The following HCN1 variants were observed in gnomAD, a reference collection of about 807,000 sequenced individuals.
The protein encoded by HCN1 is hyperpolarization activated cyclic nucleotide gated potassium channel 1, also known as potassium/sodium hyperpolarization-activated cyclic nucleotide-gated channel 1.
In HCN1, 13 loss-of-function variants were observed where a neutral mutation model predicts 78.9. That is an observed-to-expected ratio of 0.16 (90% confidence interval 0.11 to 0.26). The LOEUF is 0.26. HCN1 is among the 10% of genes least tolerant of loss of function. The probability of loss-of-function intolerance (pLI) is 1.00; values close to 1 mark genes in which losing one functional copy is unlikely to be tolerated. For missense variants in HCN1, 810 were observed against 1,154.3 expected, an observed-to-expected ratio of 0.70 and a Z score of 4.32; for synonymous variants, 552 against 455.5, an observed-to-expected ratio of 1.21 and a Z score of -2.70.
chr5:45,643,720 C>A (rs1431264612), intron 2 of HCN1: 2 of 152,006 alleles, frequency 1.3e-5, no homozygotes, highest in African/African-American at 2.4e-5. Flanking sequence ...ATATTTACAT[C>A]TTTGTGTTGT....
At chr5:45,574,170 A>C (rs915694477) in intron 2 of HCN1, among the ~76,000 whole-genome samples, 1 of 152,084 alleles carries the variant, frequency 6.6e-6, no homozygotes, top group Non-Finnish European at 1.5e-5. Context: ...ATTGGGCTTA[A>C]TGATATTGTG....
intron 2 of HCN1, among the ~76,000 whole-genome samples, chr5:45,582,142 C>T (rs937162026): frequency 6.6e-6 from 1 of 152,138 alleles, no homozygotes; most frequent in Non-Finnish European, 1.5e-5. Context: ...ATTGATTCTT[C>T]CTACCCATGA....
chr5:45,493,970 T>G (rs1435099081), intron 2 of HCN1, among the ~76,000 whole-genome samples: 1 of 152,242 alleles, frequency 6.6e-6, no homozygotes, highest in Admixed American at 6.5e-5. Context: ...ATGGTGTATA[T>G]GTTTCACATT....
intron 5 of HCN1, among the ~76,000 whole-genome samples, chr5:45,328,993 T>A (rs1746289802): frequency 6.6e-6 from 1 of 151,682 alleles, no homozygotes. Flanking sequence ...TTAAATGTAT[T>A]GTATGTGAAG....
chr5:45,678,402 T>C (rs543205318), intron 1 of HCN1, among the ~76,000 whole-genome samples: 2 of 152,066 alleles, frequency 1.3e-5, no homozygotes, highest in East Asian at 3.9e-4. Flanking sequence ...GCAATTGTAA[T>C]CCATTATTAT....
At chr5:45,375,858 G>GATATACA in intron 4 of HCN1, among the ~76,000 whole-genome samples, 1 of 109,650 alleles carries the variant, frequency 9.1e-6, no homozygotes, top group African/African-American at 3.7e-5. Context: ...AATATTTTAT[G>GATATACA]ATATATCTTA....
At chr5:45,373,293 A>G (rs1747471660) in intron 4 of HCN1, among the ~76,000 whole-genome samples, 2 of 113,922 alleles carry the variant, frequency 1.8e-5, no homozygotes, top group Non-Finnish European at 3.4e-5. Context: ...TATATATTAT[A>G]TATATTTTAT....
chr5:45,585,432 AT>A (rs1021363685), intron 2 of HCN1, among the ~76,000 whole-genome samples: 1 of 151,700 alleles, frequency 6.6e-6, no homozygotes, highest in African/African-American at 2.4e-5. Flanking sequence ...CATTCGTCTA[AT>A]TTTTTTTCAA....
chr5:45,469,277 T>A (rs774264612), intron 2 of HCN1, among the ~76,000 whole-genome samples: 2 of 152,002 alleles, frequency 1.3e-5, no homozygotes, highest in Non-Finnish European at 2.9e-5. Context: ...TAACCTCATA[T>A]GCTTAATTTA....
chr5:45,660,665 T>C (rs1248097938), intron 1 of HCN1, among the ~76,000 whole-genome samples: 2 of 146,852 alleles, frequency 1.4e-5, no homozygotes, highest in African/African-American at 5.0e-5. Context: ...TAGTCTCTGA[T>C]AAAACAGACT....
intron 6 of HCN1, among the ~76,000 whole-genome samples, chr5:45,272,331 A>T (rs1024916617): frequency 6.6e-6 from 1 of 152,040 alleles, no homozygotes; most frequent in African/African-American, 2.4e-5. Context: ...AGCTCATACT[A>T]TCCTTTAGGT....
chr5:45,294,756 C>A (rs941212447), intron 6 of HCN1, among the ~76,000 whole-genome samples: 2 of 151,910 alleles, frequency 1.3e-5, no homozygotes, highest in African/African-American at 4.8e-5. Context: ...GATTACAAAA[C>A]AGTTTAGTGA....
intron 2 of HCN1, chr5:45,576,196 C>G (rs1743941755): frequency 1.3e-5 from 2 of 152,086 alleles, no homozygotes; most frequent in Admixed American, 6.6e-5. Flanking sequence ...TACATTGCTG[C>G]AATCTCATGA....
chr5:45,561,728 A>G (rs990367783), intron 2 of HCN1, among the ~76,000 whole-genome samples: 3 of 152,110 alleles, frequency 2.0e-5, no homozygotes, highest in African/African-American at 7.2e-5. Flanking sequence ...ATGTGATTAG[A>G]AAATTGGGGC....
chr5:45,548,313 T>G (rs774831391), intron 2 of HCN1, among the ~76,000 whole-genome samples: 1 of 151,942 alleles, frequency 6.6e-6, no homozygotes, highest in South Asian at 2.1e-4. Flanking sequence ...ATATACTTTA[T>G]GTAAATGAGT....
At chr5:45,391,088 A>T (rs533830123) in intron 4 of HCN1, among the ~76,000 whole-genome samples, 180 of 149,494 alleles carry the variant, frequency 1.2e-3, no homozygotes, top group Admixed American at 3.2e-3. Flanking sequence ...CTAATAAAAA[A>T]TTTTTGACTA....
rs1441913731 is a variant in HCN1 at position 45,259,699 on chromosome 5, T to G, written c.*2222A>C. On this transcript the variant is annotated 3_prime_UTR_variant, in exon 8 of 8. Transcript: ENST00000303230. ...AGACCATGCATTTCAATTTTGCTTA[T>G]GTTTCCCAATAGTGCTCAAAATAAA... 3.3e-5 allele frequency: 5 copies of G among 152,404 alleles called. No homozygotes were observed. Among genetic ancestry groups the G allele is most frequent in the Admixed American group, 3.3e-4 (5 of 15,260 alleles). The allele number at this position is 152,404 out of a possible 1,614,324, so 9.4% of individuals were successfully genotyped here.
intron 7 of HCN1, among the ~76,000 whole-genome samples, chr5:45,265,017 C>T (rs1470783397): frequency 1.3e-5 from 2 of 151,928 alleles, no homozygotes; most frequent in African/African-American, 4.8e-5. Flanking sequence ...GGTGAAACCC[C>T]GTCTCTACTA....
At chr5:45,512,135 T>C (rs1467041099) in intron 2 of HCN1, among the ~76,000 whole-genome samples, 2 of 152,092 alleles carry the variant, frequency 1.3e-5, no homozygotes, top group Non-Finnish European at 2.9e-5. Context: ...ATCGTCACTT[T>C]CTATTTACAA....
Sources: gnomAD v4.1 joint callset for allele counts (sites outside exome capture counted in the v4.1 genomes callset) on GRCh38, gnomAD v4.1.1 for gene constraint, MANE v1.5 for transcripts, NCBI Gene and HGNC (gene_info 2026-07-23, HGNC 2026-07-21) for gene names.